ANAPC13: variants seen among roughly 807,000 people sequenced by gnomAD.
ANAPC13 encodes the protein anaphase-promoting complex subunit 13.
A neutral mutation model predicts 9.6 loss-of-function variants in ANAPC13; 9 were observed. That is an observed-to-expected ratio of 0.94 (90% confidence interval 0.57 to 1.64). ANAPC13 has a LOEUF of 1.64. ANAPC13 is among the 40% of genes most tolerant of loss of function. The pLI, the probability that ANAPC13 is intolerant of heterozygous loss-of-function variation, is 0.00. For missense variants in ANAPC13, 75 were observed against 85.3 expected (o/e 0.88, Z 0.48); for synonymous variants, 30 against 29.7 (o/e 1.01, Z -0.03).
At chr3:134,483,585 A>T (rs1425076710) in intron 1 of ANAPC13, among the ~76,000 whole-genome samples, 2 of 152,154 alleles carry the variant, frequency 1.3e-5, no homozygotes, top group African/African-American at 2.4e-5. Context: ...CACGATGCTT[A>T]TTTAGCTCCT....
At chr3:134,483,925 T>A (rs1427658802) in intron 1 of ANAPC13, among the ~76,000 whole-genome samples, 2 of 152,248 alleles carry the variant, frequency 1.3e-5, no homozygotes, top group Admixed American at 1.3e-4. Context: ...AGCCATTTCC[T>A]TTACAAGCTC....
rs1934651015 is a variant in ANAPC13, at chr3:134,478,084, AC to A, written c.*505del. On this transcript the variant is annotated 3_prime_UTR_variant, in exon 3 of 3. Transcript: ENST00000354910. ...GTAAATTTATCCAAAGTTTGAAAAT[AC>A]CATGAAGAATCTTAGGAATGCCAGT... is the stretch of plus-strand genomic sequence containing the variant. The A allele has an allele frequency of 6.6e-6, 1 of 152,470 alleles. No individual in the cohort carries two copies. Among genetic ancestry groups the A allele is most frequent in the Middle Eastern group, 3.4e-3 (1 of 294 alleles). The allele number at this position is 152,470 out of a possible 1,614,324, so 9.4% of individuals were successfully genotyped here.
chr3:134,478,514 G>T lies in ANAPC13; in HGVS notation c.*76C>A. 1.3e-6 allele frequency: 2 copies of T among 1,534,286 alleles called. No homozygotes were observed. Among genetic ancestry groups the T allele is most frequent in the South Asian group, 2.5e-5 (2 of 81,362 alleles). On this transcript the variant is annotated 3_prime_UTR_variant, in exon 3 of 3. Coordinates refer to ENST00000354910, the MANE Select transcript of ANAPC13 (RefSeq NM_015391.4). ...GTGCTGATTTATTACTCAAAGGTTT[G>T]AATTTGGAGACTGAAACAAACCATG...
intron 2 of ANAPC13, among the ~76,000 whole-genome samples, chr3:134,481,690 G>A (rs1448203686): frequency 6.6e-6 from 1 of 152,162 alleles, no homozygotes; most frequent in Non-Finnish European, 1.5e-5. Flanking sequence ...CTTGTCAAAT[G>A]AATGAATGAA....
intron 2 of ANAPC13, 110 bp downstream of exon 2, chr3:134,482,696 C>T: frequency 1.1e-6 from 1 of 891,172 alleles, no homozygotes; most frequent in Non-Finnish European, 1.8e-6. Context: ...GAGAATTCCA[C>T]AGCTTTGATT....
chr3:134,482,375 A>C (rs913877146), intron 2 of ANAPC13, among the ~76,000 whole-genome samples: 2 of 152,234 alleles, frequency 1.3e-5, no homozygotes, highest in Admixed American at 1.3e-4. Flanking sequence ...AATATTTTCC[A>C]GGGAACCTAA....
chr3:134,484,823 A>G (rs1934944711), intron 1 of ANAPC13, among the ~76,000 whole-genome samples: 1 of 152,076 alleles, frequency 6.6e-6, no homozygotes, highest in Admixed American at 6.5e-5. Flanking sequence ...AGTTTTCTCA[A>G]ATCACTCGAG....
At chr3:134,479,963 C>T (rs576076723) in intron 2 of ANAPC13, among the ~76,000 whole-genome samples, 3 of 152,164 alleles carry the variant, frequency 2.0e-5, no homozygotes, top group South Asian at 2.1e-4. Context: ...AACTGTTATG[C>T]GATATCCAGA....
Position 134,478,328 on chromosome 3 carries a change from T to TAG in ANAPC13, c.*260_*261dup. 1 of 370,296 alleles carries TAG rather than the reference T, an allele frequency of 2.7e-6. No individual in the cohort carries two copies. The highest frequency in any genetic ancestry group is 3.8e-5 in the South Asian group (1 of 26,278). 22.9% of individuals were successfully genotyped at this position (370,296 alleles called of 1,614,324 possible). A position where few individuals can be genotyped will look rare whatever the true frequency, so the allele number is the denominator to read the frequency against. ...TTTGACAGCAAAGCAAAATCAGAGG[T>TAG]AGAGGCAAATGTTTAACCAATCATG... is the stretch of plus-strand genomic sequence containing the variant. On this transcript the variant is annotated 3_prime_UTR_variant, in exon 3 of 3. Coordinates refer to ENST00000354910, the MANE Select transcript of ANAPC13 (RefSeq NM_015391.4).
chr3:134,483,700 G>T (rs1242615819), intron 1 of ANAPC13, among the ~76,000 whole-genome samples: 1 of 152,140 alleles, frequency 6.6e-6, no homozygotes, highest in Non-Finnish European at 1.5e-5. Flanking sequence ...CCAAGGTTGG[G>T]CCCTGACTCA....
intron 2 of ANAPC13, among the ~76,000 whole-genome samples, chr3:134,479,718 A>T (rs1421309723): frequency 6.6e-6 from 1 of 151,782 alleles, no homozygotes; most frequent in African/African-American, 2.4e-5. Context: ...AATAGATAAG[A>T]CCTCCCTCTA....
rs755144972 is a variant in ANAPC13 at position 134,478,424 on chromosome 3, TCA to T, written c.*164_*165del. 9.6e-5 allele frequency: 82 copies of T among 854,726 alleles called. No individual in the cohort carries two copies. The highest frequency in any genetic ancestry group is 1.4e-4 in the Non-Finnish European group (78 of 556,692). The allele number at this position is 854,726 out of a possible 1,614,324, so 52.9% of individuals were successfully genotyped here. ...AAATATTCACCATTACTGAGAAATC[TCA>T]GTTTCTCATTCAATTTCGCATTGCA... is the stretch of plus-strand genomic sequence containing the variant. On this transcript the variant is annotated 3_prime_UTR_variant, in exon 3 of 3. Transcript: ENST00000354910.
At chr3:134,484,019 G>C (rs185610343) in intron 1 of ANAPC13, among the ~76,000 whole-genome samples, 121 of 152,328 alleles carry the variant, frequency 7.9e-4, no homozygotes, top group Admixed American at 1.3e-3. Context: ...TGTTATCTCA[G>C]TATGTTCATG....
intron 2 of ANAPC13, among the ~76,000 whole-genome samples, chr3:134,481,817 C>A (rs968291262): frequency 5.9e-5 from 9 of 152,180 alleles, no homozygotes; most frequent in African/African-American, 2.2e-4. Context: ...TATTCTTTTC[C>A]TATAAAATGG....
rs998152590 is a variant in ANAPC13 at position 134,482,455 on chromosome 3, G to T, written c.99+351C>A. Reference sequence around the variant, plus strand: ...AGACTGATGAGCCACAGGCAGGGAAGTAAGAAACAGAGCTCATATGCTGCT... The same window carrying T: ...AGACTGATGAGCCACAGGCAGGGAATTAAGAAACAGAGCTCATATGCTGCT... On this transcript the variant is annotated intron_variant, in intron 2 of 2. Transcript: ENST00000354910. 1.2e-4 allele frequency among the ~76,000 whole-genome samples: 18 copies of T among 152,222 alleles called. 1 individual carries two copies. Among genetic ancestry groups the T allele is most frequent in the Non-Finnish European group, 1.5e-5 (1 of 68,032 alleles).
chr3:134,481,036 T>G (rs558585827), intron 2 of ANAPC13, among the ~76,000 whole-genome samples: 2 of 152,344 alleles, frequency 1.3e-5, no homozygotes, highest in South Asian at 4.1e-4. Flanking sequence ...TTCTCCAATC[T>G]GAGCCATAAA....
chr3:134,485,960 G>C lies in ANAPC13; in HGVS notation c.-36C>G, dbSNP rs1462272992. On this transcript the variant is annotated 5_prime_UTR_variant, in exon 1 of 3. Transcript: ENST00000354910. The stretch of plus-strand genomic sequence containing the variant: ...GCGCTGGAAACCCTTACCGGCACCC[G>C]GCCACCGCGGCAGACGCTTGCTCCT... The C allele has an allele frequency of 5.1e-6, 5 of 979,636 alleles. No individual in the cohort carries two copies. Among genetic ancestry groups the C allele is most frequent in the Admixed American group, 1.3e-4 (2 of 15,512 alleles). 60.7% of individuals were successfully genotyped at this position (979,636 alleles called of 1,614,324 possible).
intron 2 of ANAPC13, among the ~76,000 whole-genome samples, chr3:134,479,115 A>G (rs1576617077): frequency 6.6e-6 from 1 of 152,202 alleles, no homozygotes; most frequent in East Asian, 1.9e-4. Context: ...ATCACCTCAC[A>G]GGACTACTGT....
intron 1 of ANAPC13, chr3:134,485,190 T>A (rs1935000192): frequency 6.6e-6 from 1 of 152,130 alleles, no homozygotes; most frequent in Admixed American, 6.5e-5. Flanking sequence ...CATAAGGGGC[T>A]GGAAGGATGG....
Sources: gnomAD v4.1 joint callset for allele counts (sites outside exome capture counted in the v4.1 genomes callset) on GRCh38, gnomAD v4.1.1 for gene constraint, MANE v1.5 for transcripts, NCBI Gene and HGNC (gene_info 2026-07-23, HGNC 2026-07-21) for gene names.